Variants in NRXN1 observed in about 807,000 individuals in gnomAD.
NRXN1 encodes the protein neurexin 1.
Under a neutral mutation model 150.9 loss-of-function variants are expected in NRXN1, and 39 were observed. The observed-to-expected ratio is 0.26, with a 90% CI of 0.20 to 0.34. The LOEUF is 0.34. Ranked by LOEUF, NRXN1 falls within the 10% of genes least tolerant of loss-of-function variation. NRXN1 has a pLI of 1.00. For missense variants in NRXN1, 1,815 were observed against 1,949.9 expected (o/e 0.93, Z 1.30); for synonymous variants, 924 against 757.0 (o/e 1.22, Z -3.62).
intron 5 of NRXN1, among the ~76,000 whole-genome samples, chr2:50,649,904 C>T (rs858953): frequency 0.11 from 16,927 of 151,890 alleles, 1,049 homozygotes; most frequent in Middle Eastern, 0.19. Context: ...TGAAGAAAAA[C>T]GAAGCAGCTG....
chr2:50,354,329 T>C (rs1234245776), intron 17 of NRXN1, among the ~76,000 whole-genome samples: 1 of 151,940 alleles, frequency 6.6e-6, no homozygotes, highest in Non-Finnish European at 1.5e-5. Context: ...GAGCAGGAAC[T>C]CAGACACTAC....
chr2:50,623,782 T>TA (rs1379083068), intron 5 of NRXN1, among the ~76,000 whole-genome samples, 167 bp from the exon 6 acceptor site: 1 of 152,150 alleles, frequency 6.6e-6, no homozygotes, highest in Non-Finnish European at 1.5e-5. Flanking sequence ...CAGTATTTTT[T>TA]AAAAAATTTT....
At chr2:50,892,478 A>T (rs1171251505) in intron 5 of NRXN1, among the ~76,000 whole-genome samples, 1 of 152,132 alleles carries the variant, frequency 6.6e-6, no homozygotes, top group Non-Finnish European at 1.5e-5. Context: ...AAAATAATAT[A>T]CACTGGTGTA....
chr2:50,841,668 C>T (rs1322012928), intron 5 of NRXN1, among the ~76,000 whole-genome samples: 1 of 152,172 alleles, frequency 6.6e-6, no homozygotes, highest in East Asian at 1.9e-4. Flanking sequence ...TATTGTTTAG[C>T]TGGCAGTTAT....
chr2:50,359,921 C>A (rs1360970364), intron 17 of NRXN1, among the ~76,000 whole-genome samples: 2 of 152,156 alleles, frequency 1.3e-5, no homozygotes, highest in African/African-American at 4.8e-5. Flanking sequence ...TGCAGAAACC[C>A]TCCAAGCCAG....
intron 18 of NRXN1, among the ~76,000 whole-genome samples, chr2:50,215,310 A>G (rs1320206807): frequency 6.6e-6 from 1 of 152,056 alleles, no homozygotes; most frequent in Non-Finnish European, 1.5e-5. Context: ...CCTGGGGCAC[A>G]TTTTAAAATA....
intron 17 of NRXN1, among the ~76,000 whole-genome samples, chr2:50,458,693 C>T (rs534118129): frequency 6.6e-6 from 1 of 152,010 alleles, no homozygotes; most frequent in African/African-American, 2.4e-5. Flanking sequence ...GATTCTGCTA[C>T]CTCAGCCTCC....
At chr2:50,835,136 G>A (rs980105206) in intron 5 of NRXN1, among the ~76,000 whole-genome samples, 1 of 152,060 alleles carries the variant, frequency 6.6e-6, no homozygotes, top group Admixed American at 6.6e-5. Flanking sequence ...TACCTCGTAG[G>A]TTCACCTTCC....
At chr2:50,233,352 A>G (rs865829927) in intron 18 of NRXN1, among the ~76,000 whole-genome samples, 16 of 152,000 alleles carry the variant, frequency 1.1e-4, no homozygotes, top group African/African-American at 3.6e-4. Context: ...CTCAAAAACC[A>G]TTTTATTCCA....
At chr2:50,018,073 T>G (rs6545145) in intron 21 of NRXN1, among the ~76,000 whole-genome samples, 110,468 of 151,966 alleles carry the variant, frequency 0.73, 40,363 homozygotes, top group African/African-American at 0.78. Context: ...CTTTCCCTGG[T>G]GTAGGGAGGC....
chr2:49,971,844 C>A (rs1356732989), intron 21 of NRXN1, among the ~76,000 whole-genome samples: 2 of 151,866 alleles, frequency 1.3e-5, no homozygotes, highest in African/African-American at 2.4e-5. Context: ...CTTAAGGTAC[C>A]AAAAGTAAAA....
chr2:50,207,477 T>C (rs2062694916), intron 18 of NRXN1: 1 of 152,456 alleles, frequency 6.6e-6, no homozygotes. Flanking sequence ...AAGAAATATA[T>C]ATTTATATAT....
At chr2:50,598,075 G>T (rs578166948) in intron 8 of NRXN1, among the ~76,000 whole-genome samples, 6 of 151,870 alleles carry the variant, frequency 4.0e-5, no homozygotes, top group Admixed American at 1.3e-4. Context: ...GGAGGAGGAG[G>T]TTGCAGTGAG....
intron 5 of NRXN1, among the ~76,000 whole-genome samples, chr2:50,762,115 A>G (rs573074635): frequency 5.8e-4 from 51 of 87,272 alleles, no homozygotes; most frequent in Admixed American, 1.1e-3. Flanking sequence ...ATATATATAT[A>G]TGTGTATACA....
At chr2:50,290,597 G>C (rs1031270961) in intron 17 of NRXN1, among the ~76,000 whole-genome samples, 2 of 152,162 alleles carry the variant, frequency 1.3e-5, no homozygotes, top group African/African-American at 4.8e-5. Context: ...TCTCTAGCCA[G>C]CTAGGCAACA....
At chr2:50,564,221 T>A (rs1669524097) in intron 8 of NRXN1, among the ~76,000 whole-genome samples, 1 of 152,208 alleles carries the variant, frequency 6.6e-6, no homozygotes, top group African/African-American at 2.4e-5. Flanking sequence ...TGCAATGTTA[T>A]TTAAGCACAT....
At chr2:50,798,965 A>T (rs1343077398) in intron 5 of NRXN1, among the ~76,000 whole-genome samples, 1 of 152,210 alleles carries the variant, frequency 6.6e-6, no homozygotes, top group Non-Finnish European at 1.5e-5. Flanking sequence ...TAATGTGTCT[A>T]AATATTAGGT....
intron 5 of NRXN1, among the ~76,000 whole-genome samples, chr2:50,784,254 T>C (rs1433488661): frequency 1.3e-5 from 2 of 152,124 alleles, no homozygotes; most frequent in Non-Finnish European, 2.9e-5. Flanking sequence ...CTTTGCTTGT[T>C]ACACTTTTAT....
At chr2:50,355,992 T>C (rs979616278) in intron 17 of NRXN1, among the ~76,000 whole-genome samples, 3 of 152,120 alleles carry the variant, frequency 2.0e-5, no homozygotes, top group Non-Finnish European at 4.4e-5. Context: ...AAGCTGGTTA[T>C]AAAGAATGAT....
Sources: gnomAD v4.1 joint callset for allele counts (sites outside exome capture counted in the v4.1 genomes callset) on GRCh38, gnomAD v4.1.1 for gene constraint, MANE v1.5 for transcripts, NCBI Gene and HGNC (gene_info 2026-07-23, HGNC 2026-07-21) for gene names.